Variants in MRTFA observed in about 807,000 individuals in gnomAD.
MRTFA encodes myocardin related transcription factor A.
In MRTFA, 20 loss-of-function variants were observed where a neutral mutation model predicts 83.5. That is an observed-to-expected ratio of 0.24 (90% CI 0.17 to 0.35). The LOEUF is 0.35. MRTFA is among the 10% of genes least tolerant of loss of function. The pLI is 1.00. For synonymous variants in MRTFA, 659 were observed against 541.2 expected (o/e 1.22, Z -3.02); for missense variants, 1,200 against 1,224.7 (o/e 0.98, Z 0.30).
At position 40,552,323 on chromosome 22, in the gene MRTFA, G is replaced by A. The variant is rs2147312853; in HGVS notation, c.24C>T (p.Cys8=). ...TCACAGCAATGACGGAAGGGGGCAGGCACACCACACTGGAGAAATCCACTT... is the reference window on the plus strand; with the variant it reads ...TCACAGCAATGACGGAAGGGGGCAGACACACCACACTGGAGAAATCCACTT... Residue 8 remains cysteine (C), a synonymous_variant, in exon 3 of 15, where the codon TGC becomes TGT. Coordinates refer to ENST00000355630, the MANE Select transcript of MRTFA (RefSeq NM_020831.6). 1 of 399,058 alleles carries A rather than the reference G, an allele frequency of 2.5e-6. No homozygotes were observed. Among genetic ancestry groups the A allele is most frequent in the Non-Finnish European group, 4.4e-6 (1 of 226,062 alleles). The allele number at this position is 399,058 out of a possible 1,614,324, so 24.7% of individuals were successfully genotyped here.
intron 3 of MRTFA, among the ~76,000 whole-genome samples, chr22:40,519,307 G>A (rs960791512): frequency 6.6e-6 from 1 of 152,150 alleles, no homozygotes; most frequent in African/African-American, 2.4e-5. Flanking sequence ...AAAACTCAGG[G>A]CCACCTATAG....
chr22:40,506,261 G>C (rs1372526602), intron 3 of MRTFA, among the ~76,000 whole-genome samples: 2 of 152,032 alleles, frequency 1.3e-5, no homozygotes, highest in Non-Finnish European at 2.9e-5. Flanking sequence ...AATAAATAAA[G>C]TGCATTATGA....
chr22:40,510,853 A>C (rs570018284), intron 3 of MRTFA, among the ~76,000 whole-genome samples: 1 of 152,252 alleles, frequency 6.6e-6, no homozygotes, highest in Admixed American at 6.5e-5. Flanking sequence ...GGCAAGCAGA[A>C]AGACTAACGG....
intron 7 of MRTFA, among the ~76,000 whole-genome samples, chr22:40,426,137 C>T (rs1470971459): frequency 1.3e-5 from 2 of 152,072 alleles, no homozygotes; most frequent in Admixed American, 1.3e-4. Flanking sequence ...GGGAAGACCC[C>T]AACCCCCATC....
intron 12 of MRTFA, 40 bp downstream of exon 12, chr22:40,418,334 C>T: frequency 3.8e-6 from 6 of 1,594,538 alleles, no homozygotes; most frequent in Non-Finnish European, 5.1e-6. Flanking sequence ...TCTTCCCACC[C>T]TCCTCTGGGC....
rs150676614 is a variant in MRTFA at position 40,561,284 on chromosome 22, T to C, written c.-21-8917A>G. Among the ~76,000 whole-genome samples, 711 of 151,888 alleles carry C rather than the reference T, an allele frequency of 4.7e-3. 11 individuals carry two copies. The highest frequency in any genetic ancestry group is 0.016 in the African/African-American group (673 of 41,402). ...AATCAACTGAACAAGTGTTTCCTGA[T>C]AGCTTACTATATATGTACTAGGTAC... On this transcript the variant is annotated intron_variant, in intron 2 of 14. Coordinates refer to ENST00000355630, the MANE Select transcript of MRTFA (RefSeq NM_020831.6).
chr22:40,529,473 T>C (rs752763269), intron 3 of MRTFA, among the ~76,000 whole-genome samples: 1 of 152,052 alleles, frequency 6.6e-6, no homozygotes, highest in Non-Finnish European at 1.5e-5. Flanking sequence ...CCCACCACCA[T>C]GCCCGGCTAA....
chr22:40,438,603 C>T (rs1181482349), intron 4 of MRTFA, among the ~76,000 whole-genome samples: 3 of 152,192 alleles, frequency 2.0e-5, no homozygotes, highest in African/African-American at 4.8e-5. Context: ...TCTGCAGTTT[C>T]GCTTTCCATG....
Position 40,485,728 on chromosome 22 carries a change from C to G in MRTFA, c.242-22442G>C, listed in dbSNP as rs75736636. On this transcript the variant is annotated intron_variant, in intron 3 of 14. Transcript: ENST00000355630. ...TGGTGGGGAAGAGTAGGGAGGAGAA[C>G]TGCGGAATCTCAAAGGCTAACTATG... 1.3e-4 allele frequency among the ~76,000 whole-genome samples: 20 copies of G among 152,232 alleles called. No homozygotes were observed. In the East Asian group the frequency reaches 3.3e-3, roughly 25 times the overall value.
At chr22:40,531,460 T>C (rs190754389) in intron 3 of MRTFA, among the ~76,000 whole-genome samples, 3 of 152,046 alleles carry the variant, frequency 2.0e-5, no homozygotes, top group Admixed American at 6.6e-5. Context: ...CAAATGAAAA[T>C]TGTTCATAAA....
intron 3 of MRTFA, among the ~76,000 whole-genome samples, chr22:40,551,251 T>C (rs984840467): frequency 3.7e-4 from 56 of 152,114 alleles, no homozygotes; most frequent in African/African-American, 1.2e-3. Flanking sequence ...CACAGTTTAA[T>C]GGGCTGGAAC....
At chr22:40,412,109 G>A (rs1292492376) in intron 14 of MRTFA, 8 of 418,618 alleles carry the variant, frequency 1.9e-5, no homozygotes, top group African/African-American at 2.0e-5. Context: ...AGTGATATCC[G>A]GAATACACAG....
Position 40,508,064 on chromosome 22 carries a change from G to A in MRTFA, c.241+44042C>T, listed in dbSNP as rs1007187660. Among the ~76,000 whole-genome samples the A allele has an allele frequency of 2.0e-5, 3 of 150,036 alleles. No homozygotes were observed. The East Asian group carries it at 5.9e-4, about 29-fold the overall frequency. Reference sequence around the variant, plus strand: ...GGCACAGGTGCTGTTACTAAGATTAGCACAGTGGCTTCTAGGGAAACATAA... The same window carrying A: ...GGCACAGGTGCTGTTACTAAGATTAACACAGTGGCTTCTAGGGAAACATAA... On this transcript the variant is annotated intron_variant, in intron 3 of 14. Transcript: ENST00000355630.
intron 3 of MRTFA, among the ~76,000 whole-genome samples, chr22:40,497,067 T>G (rs2054367552): frequency 6.6e-6 from 1 of 152,252 alleles, no homozygotes. Context: ...GTGAAACACC[T>G]GCCCAAATGG....
Position 40,418,610 on chromosome 22 carries a change from C to T in MRTFA, c.2128G>A (p.Asp710Asn), listed in dbSNP as rs748682456. 1.3e-6 allele frequency: 2 copies of T among 1,537,550 alleles called. No individual in the cohort carries two copies. The highest frequency in any genetic ancestry group is 8.7e-7 in the Non-Finnish European group (1 of 1,148,228). ...GGCCCCGGGGCCACAGCACAAGGGT[C>T]TATGTGGTTGGTGGCTGGGGCCGCC... The change falls in exon 12 of 15, where the codon GAC (aspartate) becomes AAC (asparagine). Residue 710 changes from aspartate (D) to asparagine (N), a missense_variant. Asp to Asn is a conservative substitution (Grantham distance 23). Transcript: ENST00000355630.
At chr22:40,561,196 CTGTGTGTGTGTGTGTCTGTG>C (rs2055610277) in intron 2 of MRTFA, among the ~76,000 whole-genome samples, 1 of 140,700 alleles carries the variant, frequency 7.1e-6, no homozygotes, top group Non-Finnish European at 1.5e-5. Context: ...ATGGGTATCT[CTGTGTGTGTGTGTGTCTGTG>C]TGTGTGTGTG....
chr22:40,549,453 G>T (rs971059575), intron 3 of MRTFA, among the ~76,000 whole-genome samples: 5 of 151,374 alleles, frequency 3.3e-5, no homozygotes, highest in Admixed American at 6.6e-5. Context: ...AAAACAAAAA[G>T]AAACCACCAA....
chr22:40,596,699 C>T (rs974135092), intron 1 of MRTFA, among the ~76,000 whole-genome samples: 5 of 152,032 alleles, frequency 3.3e-5, no homozygotes, highest in Non-Finnish European at 7.4e-5. Flanking sequence ...CCCAGGTACT[C>T]GGAGGATGAC....
chr22:40,570,166 A>G (rs2055768321), intron 2 of MRTFA, among the ~76,000 whole-genome samples: 1 of 152,172 alleles, frequency 6.6e-6, no homozygotes, highest in South Asian at 2.1e-4. Flanking sequence ...CTAAATACAT[A>G]TCAGAAGGAA....
Sources: allele counts gnomAD v4.1 joint callset (sites outside exome capture counted in the v4.1 genomes callset), GRCh38; gene constraint gnomAD v4.1.1; transcripts MANE v1.5; gene names NCBI Gene and HGNC (gene_info 2026-07-23, HGNC 2026-07-21).